The following LAMC2 variants were observed in gnomAD, a reference collection of about 807,000 sequenced individuals.
The protein encoded by LAMC2 is laminin subunit gamma 2.
In LAMC2, 97 loss-of-function variants were observed where a neutral mutation model predicts 140.2. That is an observed-to-expected ratio of 0.69 (90% CI 0.59 to 0.82). LAMC2 has a LOEUF of 0.82. Among genes scored for constraint, LAMC2 ranks in the 40% least tolerant of loss-of-function variants. LAMC2 has a pLI of 0.00. For synonymous variants in LAMC2, 513 were observed against 540.2 expected, an observed-to-expected ratio of 0.95 and a Z score of 0.70; for missense variants, 1,402 against 1,476.1, an observed-to-expected ratio of 0.95 and a Z score of 0.82.
intron 22 of LAMC2, among the ~76,000 whole-genome samples, chr1:183,242,500 T>G (rs1436759479): frequency 6.6e-6 from 1 of 152,224 alleles, no homozygotes; most frequent in East Asian, 1.9e-4. Flanking sequence ...CTGACATTAG[T>G]TTTAGATAGT....
At chr1:183,246,061 T>C (rs1158721608), downstream of LAMC2, among the ~76,000 whole-genome samples, 1 of 151,780 alleles carries the variant, frequency 6.6e-6, no homozygotes, top group East Asian at 1.9e-4. Flanking sequence ...TCCCAGCTAC[T>C]TGAGAGGCTG....
At position 183,186,293 on chromosome 1, in the gene LAMC2, C is replaced by T; in HGVS notation, c.-60C>T. On this transcript the variant is annotated 5_prime_UTR_variant, in exon 1 of 23. Transcript: ENST00000264144. ...CGGAGCGCAGAGTGAGAACCACCAA[C>T]CGAGGCGCCGGGCAGCGACCCCTGC... 5 of 1,541,822 alleles carry T rather than the reference C, an allele frequency of 3.2e-6. No homozygotes were observed. The highest frequency in any genetic ancestry group is 4.4e-6 in the Non-Finnish European group (5 of 1,148,968).
intron 7 of LAMC2, among the ~76,000 whole-genome samples, chr1:183,224,872 C>T (rs1372548305): frequency 6.6e-6 from 1 of 152,160 alleles, no homozygotes; most frequent in Non-Finnish European, 1.5e-5. Flanking sequence ...TCTGTTATAG[C>T]ATTCATGGCA....
intron 2 of LAMC2, among the ~76,000 whole-genome samples, chr1:183,208,990 T>G (rs1445804015): frequency 1.3e-5 from 2 of 151,718 alleles, no homozygotes; most frequent in African/African-American, 2.4e-5. Flanking sequence ...GTTGTTTTTT[T>G]TTTTTTTTTT....
intron 8 of LAMC2, among the ~76,000 whole-genome samples, chr1:183,226,201 AC>A (rs1243215757): frequency 1.3e-5 from 2 of 149,066 alleles, no homozygotes; most frequent in Non-Finnish European, 3.0e-5. Context: ...GAATTATTTA[AC>A]AAGAGTTCCT....
chr1:183,207,956 G>T lies in LAMC2; in HGVS notation c.155G>T (p.Arg52Leu), dbSNP rs1256533053. 6.2e-7 allele frequency: 1 copy of T among 1,613,332 alleles called. No individual in the cohort carries two copies. The highest frequency in any genetic ancestry group is 8.5e-7 in the Non-Finnish European group (1 of 1,179,844). Residue 52 changes from arginine (R) to leucine (L), a missense_variant, in exon 2 of 23, where the codon CGC becomes CTC. Arg to Leu is a moderately radical substitution (Grantham distance 102). Coordinates refer to ENST00000264144, the MANE Select transcript of LAMC2 (RefSeq NM_005562.3). ...CACAGACAAACTGGTAATGGATTCC[G>T]CTGCCTCAACTGCAATGACAACACT... ...ELHRQTGNGF[R>L]CLNCNDNTDG...
chr1:183,239,663 C>T (rs1167909665), intron 20 of LAMC2, 100 bp downstream of exon 20: 21 of 1,064,216 alleles, frequency 2.0e-5, no homozygotes, highest in Non-Finnish European at 9.8e-6. Context: ...CTCTGAGGCT[C>T]AGAGCCCTGT....
At chr1:183,248,625 G>A (rs200877225), downstream of LAMC2, 2 of 152,120 alleles carry the variant, frequency 1.3e-5, no homozygotes, top group Non-Finnish European at 2.9e-5. Context: ...GAGTGTGCTG[G>A]GCAGCTATAA....
chr1:183,223,092 A>T (rs747600608), intron 6 of LAMC2, 43 bp from the exon 7 acceptor site: 3 of 1,590,460 alleles, frequency 1.9e-6, no homozygotes, highest in Non-Finnish European at 2.6e-6. Context: ...TTGCCTCTCC[A>T]GTTTCACAAC....
chr1:183,215,402 A>G, intron 2 of LAMC2, 51 bp from the exon 3 acceptor site: 1 of 1,609,376 alleles, frequency 6.2e-7, no homozygotes, highest in Non-Finnish European at 8.5e-7. Context: ...TGCCGCATAC[A>G]TTAAAATATT....
Position 183,228,398 on chromosome 1 carries a change from A to G in LAMC2, c.1493A>G (p.Asp498Gly). 6.2e-7 allele frequency: 1 copy of G among 1,613,960 alleles called. No homozygotes were observed. The highest frequency in any genetic ancestry group is 8.5e-7 in the Non-Finnish European group (1 of 1,180,002). Residue 498 changes from aspartate (D) to glycine (G), a missense_variant, in exon 11 of 23, where the codon GAT (aspartate) becomes GGT (glycine). Physicochemically the swap from Asp to Gly is moderately conservative, Grantham distance 94. Around this residue, in one of 3 missense-constraint regions of LAMC2, gnomAD observed 723 missense variants for 783.3 expected, o/e 0.92. Transcript: ENST00000264144. This position sits in a 1 kb window ranked among gnomAD's most constrained non-coding sequence, Gnocchi z 4.3. ...VTGARCELCA[D>G]GYFGDPFGEH... is the part of the protein sequence containing the mutation. ...GGTGCCCGCTGTGAGCTCTGTGCTGATGGCTACTTTGGGGACCCCTTTGGT... is the reference window on the plus strand; with the variant it reads ...GGTGCCCGCTGTGAGCTCTGTGCTGGTGGCTACTTTGGGGACCCCTTTGGT...
intron 17 of LAMC2, 112 bp from the exon 18 acceptor site, chr1:183,237,240 C>T: frequency 8.1e-7 from 1 of 1,232,230 alleles, no homozygotes; most frequent in Non-Finnish European, 1.2e-6. Flanking sequence ...TGACTATTTT[C>T]TTGGCTTCTT....
intron 1 of LAMC2, among the ~76,000 whole-genome samples, chr1:183,192,594 C>T (rs479994): frequency 0.57 from 86,736 of 152,046 alleles, 25,488 homozygotes; most frequent in East Asian, 0.73. Flanking sequence ...CATGTTTCAT[C>T]CTTTTATAGG....
intron 22 of LAMC2, 180 bp downstream of exon 22, chr1:183,240,571 T>C (rs968489825): frequency 4.2e-6 from 6 of 1,441,562 alleles, no homozygotes; most frequent in Non-Finnish European, 5.4e-6. Context: ...TACTGGACCC[T>C]GTTTTACCGT....
At position 183,243,709 on chromosome 1, in the gene LAMC2, C is replaced by T. The variant is rs572885823; in HGVS notation, c.*309C>T. On this transcript the variant is annotated 3_prime_UTR_variant, in exon 23 of 23. Transcript: ENST00000264144. ...AGGCAGATGTTTGCCTCATAATAGTCGTAAGTGGAGTCCTGGAATTTGGAC... is the reference window on the plus strand; with the variant it reads ...AGGCAGATGTTTGCCTCATAATAGTTGTAAGTGGAGTCCTGGAATTTGGAC... 2 of 420,016 alleles carry T rather than the reference C, an allele frequency of 4.8e-6. No individual in the cohort carries two copies. The highest frequency in any genetic ancestry group is 2.4e-5 in the South Asian group (1 of 41,150). The allele number at this position is 420,016 out of a possible 1,614,324, so 26.0% of individuals were successfully genotyped here.
chr1:183,223,465 G>T (rs1659536868), intron 7 of LAMC2, 141 bp downstream of exon 7: 2 of 759,336 alleles, frequency 2.6e-6, no homozygotes, highest in African/African-American at 3.4e-5. Context: ...GTTGCTATGT[G>T]CTGAGAAAGG....
At chr1:183,235,842 G>T in intron 16 of LAMC2, 112 bp downstream of exon 16, 2 of 1,054,448 alleles carry the variant, frequency 1.9e-6, no homozygotes, top group South Asian at 2.8e-5. Context: ...TATTATTAAT[G>T]ATAATAAGAG....
Position 183,207,835 on chromosome 1 carries a change from G to GTTTTTT in LAMC2, c.80-36_80-31dup, listed in dbSNP as rs10668798. On this transcript the variant is annotated intron_variant, in intron 1 of 22. Coordinates refer to ENST00000264144, the MANE Select transcript of LAMC2 (RefSeq NM_005562.3). ...CACCTGCTAGAACAGTTCCTGAGGTGTTTTTTTTTTTTTTTGACGATCTCT... is the reference window on the plus strand; with the variant it reads ...CACCTGCTAGAACAGTTCCTGAGGTGTTTTTTTTTTTTTTTTTTTTTGACGATCTCT... 3.3e-4 allele frequency: 395 copies of GTTTTTT among 1,185,814 alleles called. 5 individuals are homozygous for GTTTTTT. In the African/African-American group the frequency reaches 5.7e-3, roughly 17 times the overall value. 73.5% of individuals were successfully genotyped at this position (1,185,814 alleles called of 1,614,324 possible). A position where few individuals can be genotyped will look rare whatever the true frequency, so the allele number is the denominator to read the frequency against.
chr1:183,232,063 T>C (rs2102238818), intron 12 of LAMC2, 124 bp from the exon 13 acceptor site: 1 of 1,255,596 alleles, frequency 8.0e-7, no homozygotes, highest in Non-Finnish European at 1.2e-6. Flanking sequence ...GTCTAAAATT[T>C]TAACCACCAT....
Sources: gnomAD v4.1 joint callset for allele counts (sites outside exome capture counted in the v4.1 genomes callset) on GRCh38, gnomAD v4.1.1 for gene constraint, gnomAD v4.1.1 regional missense constraint, Gnocchi (gnomAD v3.1) non-coding constraint, MANE v1.5 for transcripts, NCBI Gene and HGNC (gene_info 2026-07-23, HGNC 2026-07-21) for gene names.